Variants in NCOR1 observed in about 807,000 individuals in gnomAD.
The protein encoded by NCOR1 is nuclear receptor corepressor 1.
Under a neutral mutation model 288.1 loss-of-function variants are expected in NCOR1, and 63 were observed. That is an observed-to-expected ratio of 0.22 (90% confidence interval 0.18 to 0.27). NCOR1 has a LOEUF of 0.27. Ranked by LOEUF, NCOR1 falls within the 10% of genes least tolerant of loss-of-function variation. NCOR1 has a pLI of 1.00. For synonymous variants in NCOR1, 1,007 were observed against 1,065.9 expected (o/e 0.94, Z 1.08); for missense variants, 2,397 against 3,019.2 (o/e 0.79, Z 4.83).
rs1397833215 is a variant in NCOR1 at position 16,080,015 on chromosome 17, G to A, written c.3450C>T (p.Thr1150=). ...QEGSITRGTP[T]SKISVESIPS... is the part of the protein sequence containing the mutation. Reference sequence around the variant, plus strand: ...GAATGCTCTCCACTGAAATTTTGCTGGTTGGAGTTCCCCGAGTTATACTTC... The same window carrying A: ...GAATGCTCTCCACTGAAATTTTGCTAGTTGGAGTTCCCCGAGTTATACTTC... Residue 1150 remains threonine (T), a synonymous_variant, in exon 26 of 46, where the codon ACC becomes ACT. Transcript: ENST00000268712. The A allele has an allele frequency of 1.9e-6, 3 of 1,613,964 alleles. No homozygotes were observed. The highest frequency in any genetic ancestry group is 1.3e-5 in the African/African-American group (1 of 74,910).
intron 21 of NCOR1, among the ~76,000 whole-genome samples, chr17:16,092,658 T>TAC (rs2065406299): frequency 1.1e-4 from 1 of 9,212 alleles, no homozygotes; most frequent in African/African-American, 5.2e-4. Context: ...TATATATATA[T>TAC]ATATATATAT....
intron 19 of NCOR1, among the ~76,000 whole-genome samples, chr17:16,106,579 C>A (rs558991541): frequency 6.6e-6 from 1 of 152,010 alleles, no homozygotes; most frequent in East Asian, 1.9e-4. Context: ...GATAGAGGAA[C>A]CCTCCCTTCA....
chr17:16,169,428 G>C (rs1409155709), intron 4 of NCOR1, among the ~76,000 whole-genome samples: 1 of 152,158 alleles, frequency 6.6e-6, no homozygotes, highest in Non-Finnish European at 1.5e-5. Flanking sequence ...TTCTATAAAT[G>C]ATATACCTAG....
intron 43 of NCOR1, chr17:16,040,062 T>A (rs1280763571): frequency 2.3e-6 from 1 of 433,654 alleles, no homozygotes; most frequent in Non-Finnish European, 4.5e-6. Flanking sequence ...AGTGCTGGGA[T>A]TACAGGCGTG....
At chr17:16,144,830 G>A (rs776747168) in intron 10 of NCOR1, among the ~76,000 whole-genome samples, 41 of 138,796 alleles carry the variant, frequency 3.0e-4, no homozygotes, top group Non-Finnish European at 5.4e-4. Context: ...CGCTTTCCAC[G>A]GTCTCCCTCT....
At chr17:16,064,219 A>C (rs763151988) in intron 34 of NCOR1, 32 bp from the exon 35 acceptor site, 8 of 1,596,866 alleles carry the variant, frequency 5.0e-6, no homozygotes, top group Non-Finnish European at 6.8e-6. Context: ...CTTAAAGATA[A>C]AAATATCAAC....
At position 16,029,251 on chromosome 17, in the gene NCOR1, G is replaced by C. The variant is rs1971743970; in HGVS notation, c.*3045C>G. On this transcript the variant is annotated 3_prime_UTR_variant, in exon 46 of 46. Transcript: ENST00000268712. ...TGTTGGAAACACTAGGAGTTTTCAGGACAGTCTCTTCATGTGGGTGTTTTC... is the reference window on the plus strand; with the variant it reads ...TGTTGGAAACACTAGGAGTTTTCAGCACAGTCTCTTCATGTGGGTGTTTTC... 1 of 453,712 alleles carries C rather than the reference G, an allele frequency of 2.2e-6. No individual in the cohort carries two copies. Among genetic ancestry groups the C allele is most frequent in the East Asian group, 6.9e-5 (1 of 14,400 alleles). The allele number at this position is 453,712 out of a possible 1,614,324, so 28.1% of individuals were successfully genotyped here.
intron 22 of NCOR1, among the ~76,000 whole-genome samples, chr17:16,090,624 A>G (rs752860240): frequency 1.3e-5 from 2 of 152,220 alleles, no homozygotes; most frequent in Non-Finnish European, 2.9e-5. Context: ...ACCTTCATTC[A>G]AGGAAATATT....
intron 28 of NCOR1, 42 bp from the exon 29 acceptor site, chr17:16,072,270 A>G (rs534915628): frequency 3.4e-6 from 5 of 1,450,714 alleles, no homozygotes; most frequent in African/African-American, 2.8e-5. Context: ...AACATAATGT[A>G]TATGTCAACT....
intron 18 of NCOR1, among the ~76,000 whole-genome samples, chr17:16,113,183 G>A (rs2070704042): frequency 6.6e-6 from 1 of 151,896 alleles, no homozygotes; most frequent in Admixed American, 6.6e-5. Flanking sequence ...CCAAAGTGCT[G>A]GGATTACAGG....
In NCOR1 at chr17:16,138,224, CG is replaced by C; in HGVS notation, c.1353-13del. 6.2e-7 allele frequency: 1 copy of C among 1,601,286 alleles called. No homozygotes were observed. The highest frequency in any genetic ancestry group is 1.7e-5 in the Admixed American group (1 of 58,500). Reference sequence around the variant, plus strand: ...GATGCTGGATAAACCTGAGTGAAAACGAAAACAAAAACACACTTGCGTACAA... The same window carrying C: ...GATGCTGGATAAACCTGAGTGAAAACAAAACAAAAACACACTTGCGTACAA... On this transcript the variant is annotated splice_polypyrimidine_tract_variant and intron_variant, in intron 12 of 45. Transcript: ENST00000268712.
At position 16,080,690 on chromosome 17, in the gene NCOR1, G is replaced by A. The variant is rs2063257623; in HGVS notation, c.3215C>T (p.Ala1072Val). The change falls in exon 24 of 46, where the codon GCT (alanine) becomes GTT (valine). Residue 1072 changes from alanine (A) to valine (V), a missense_variant. Physicochemically the swap from Ala to Val is moderately conservative, Grantham distance 64 (BLOSUM62 0). Coordinates refer to ENST00000268712, the MANE Select transcript of NCOR1 (RefSeq NM_006311.4). ...CTTGGGTGTTTCTTGAGTGTAGGAA[G>A]CCTGATTATGAGAAGTCAAATAAGT... ...PGTYLTSHNQASYTQETPKPS... is the reference protein window; with the variant it reads ...PGTYLTSHNQVSYTQETPKPS... 2 of 1,613,618 alleles carry A rather than the reference G, an allele frequency of 1.2e-6. No individual in the cohort carries two copies. Among genetic ancestry groups the A allele is most frequent in the African/African-American group, 1.3e-5 (1 of 74,838 alleles).
intron 3 of NCOR1, among the ~76,000 whole-genome samples, chr17:16,179,315 G>C (rs1032872301): frequency 2.0e-4 from 31 of 152,108 alleles, no homozygotes; most frequent in African/African-American, 7.5e-4. Flanking sequence ...GAAATAAAAA[G>C]GATCATAAGG....
intron 1 of NCOR1, among the ~76,000 whole-genome samples, chr17:16,200,372 C>T (rs1408961233): frequency 6.6e-6 from 1 of 151,792 alleles, no homozygotes; most frequent in Non-Finnish European, 1.5e-5. Flanking sequence ...TGGTGCACAC[C>T]TATAGTCCCA....
In NCOR1 at chr17:16,064,190, G is replaced by A. The variant is rs1409982816; in HGVS notation, c.5102-3C>T. On this transcript the variant is annotated splice_region_variant and splice_polypyrimidine_tract_variant and intron_variant, in intron 34 of 45. Transcript: ENST00000268712. ...AGCTGCAAGGTGTGTTGGGTGTCCT[G>A]TAAAACATAAACCTGCAGCTTAAAG... 3.1e-6 allele frequency: 5 copies of A among 1,611,908 alleles called. No individual in the cohort carries two copies. Among genetic ancestry groups the A allele is most frequent in the Non-Finnish European group, 4.2e-6 (5 of 1,178,852 alleles).
chr17:16,151,728 C>G, intron 8 of NCOR1: 1 of 1,092,522 alleles, frequency 9.2e-7, no homozygotes, highest in Non-Finnish European at 1.3e-6. Context: ...TAGTTTTATG[C>G]AATAATTTAT....
At chr17:16,051,198 C>CT (rs1268042166) in intron 40 of NCOR1, among the ~76,000 whole-genome samples, 1 of 152,060 alleles carries the variant, frequency 6.6e-6, no homozygotes, top group Non-Finnish European at 1.5e-5. Flanking sequence ...TTTATATTTT[C>CT]TTTTTTAAAA....
chr17:16,149,551 G>C (rs2078541207), intron 8 of NCOR1, 34 bp from the exon 9 acceptor site: 2 of 1,112,790 alleles, frequency 1.8e-6, no homozygotes, highest in Non-Finnish European at 1.3e-6. Flanking sequence ...ATGACATTAA[G>C]AAAAAGCACA....
intron 2 of NCOR1, among the ~76,000 whole-genome samples, chr17:16,192,991 G>T: frequency 6.6e-6 from 1 of 152,160 alleles, no homozygotes; most frequent in Non-Finnish European, 1.5e-5. Context: ...ATAGAAAGCA[G>T]ATCAGTGGTT....
Sources: gnomAD v4.1 joint callset for allele counts (sites outside exome capture counted in the v4.1 genomes callset) on GRCh38, gnomAD v4.1.1 for gene constraint, MANE v1.5 for transcripts, NCBI Gene and HGNC (gene_info 2026-07-23, HGNC 2026-07-21) for gene names.